The following ATP7A variants were observed in gnomAD, a reference collection of about 807,000 sequenced individuals.
ATP7A encodes ATPase copper transporting alpha.
A neutral mutation model predicts 83.5 loss-of-function variants in ATP7A; 7 were observed. The ratio of observed to expected loss-of-function variants is 0.08; its 90% CI spans 0.05 to 0.16. The LOEUF (loss-of-function observed/expected upper bound fraction) is 0.16, where lower values mean the gene tolerates loss of function less well. ATP7A is among the 10% of genes least tolerant of loss of function. The probability of loss-of-function intolerance (pLI) is 1.00; values close to 1 mark genes in which losing one functional copy is unlikely to be tolerated. For missense variants in ATP7A, 940 were observed against 1,120.8 expected, an observed-to-expected ratio of 0.84 and a Z score of 2.30; for synonymous variants, 354 against 395.2, an observed-to-expected ratio of 0.90 and a Z score of 1.24.
intron 1 of ATP7A, among the ~76,000 whole-genome samples, chrX:77,966,492 G>A (rs1350569869): frequency 8.9e-6 from 1 of 112,175 alleles, no homozygotes; most frequent in African/African-American, 3.2e-5. Flanking sequence ...ACACATCAAT[G>A]TACCTTGAAA....
intron 21 of ATP7A, among the ~76,000 whole-genome samples, chrX:78,043,972 T>C (rs1414380484): frequency 9.4e-6 from 1 of 106,816 alleles, no homozygotes; most frequent in Non-Finnish European, 1.9e-5. Context: ...ACTTTGTATT[T>C]TGAAAAATTT....
intron 1 of ATP7A, among the ~76,000 whole-genome samples, chrX:77,911,504 G>T (rs2077159629): frequency 9.1e-6 from 1 of 110,054 alleles, no homozygotes; most frequent in African/African-American, 3.3e-5. Flanking sequence ...CAATAGTATG[G>T]CTTTGTATTG....
chrX:78,020,181 A>G (rs2077895289), intron 12 of ATP7A, 63 bp from the exon 13 acceptor site: 2 of 1,113,938 alleles, frequency 1.8e-6, no homozygotes, highest in Non-Finnish European at 2.5e-6. Flanking sequence ...AGTAACAAAT[A>G]ATGATATGTT....
chrX:78,012,789 A>G (rs1469330218), intron 9 of ATP7A, 90 bp from the exon 10 acceptor site: 6 of 832,172 alleles, frequency 7.2e-6, no homozygotes, highest in Non-Finnish European at 1.1e-5. Context: ...AAAGCCAAAG[A>G]AAGTGACTAT....
chrX:77,962,620 C>G (rs1260107164), intron 1 of ATP7A: 3 of 370,129 alleles, frequency 8.1e-6, no homozygotes, highest in Non-Finnish European at 1.1e-5. Context: ...CCCTCATTTT[C>G]AGACCCTTCT....
At chrX:77,999,930 T>C (rs1557232974) in intron 5 of ATP7A, among the ~76,000 whole-genome samples, 1 of 106,115 alleles carries the variant, frequency 9.4e-6, no homozygotes, top group African/African-American at 3.5e-5. Context: ...AAAAAAGATA[T>C]GTGATGAGGT....
chrX:78,036,752 G>T (rs1358031207), intron 17 of ATP7A, among the ~76,000 whole-genome samples: 1 of 110,790 alleles, frequency 9.0e-6, no homozygotes, highest in Non-Finnish European at 1.9e-5. Flanking sequence ...GTGGTAGCAG[G>T]CACCTGTAAT....
intron 1 of ATP7A, among the ~76,000 whole-genome samples, chrX:77,949,319 G>A (rs2077400854): frequency 9.0e-6 from 1 of 111,325 alleles, no homozygotes; most frequent in African/African-American, 3.3e-5. Context: ...CTCCTAGTTT[G>A]GTTTTATTAA....
intron 1 of ATP7A, among the ~76,000 whole-genome samples, chrX:77,926,995 G>C (rs782429152): frequency 8.9e-6 from 1 of 111,852 alleles, no homozygotes; most frequent in African/African-American, 3.2e-5. Flanking sequence ...GAGCCACTGC[G>C]CCTGGCTCAC....
chrX:78,010,519 C>A (rs868923838), intron 7 of ATP7A, among the ~76,000 whole-genome samples: 1 of 102,880 alleles, frequency 9.7e-6, no homozygotes, highest in Non-Finnish European at 2.0e-5. Context: ...TAAAACAAGA[C>A]TAAATACTGC....
chrX:77,929,337 C>T (rs983407336), intron 1 of ATP7A, among the ~76,000 whole-genome samples: 1 of 111,607 alleles, frequency 9.0e-6, no homozygotes, highest in African/African-American at 3.3e-5. Context: ...TGAACCCATC[C>T]CCTTCATTAC....
chrX:78,030,266 A>G (rs1291649044), intron 15 of ATP7A, among the ~76,000 whole-genome samples: 1 of 111,426 alleles, frequency 9.0e-6, no homozygotes, highest in African/African-American at 3.3e-5. Flanking sequence ...TCTACTAAAA[A>G]TACAAAAATT....
intron 6 of ATP7A, among the ~76,000 whole-genome samples, chrX:78,006,291 A>G (rs905118540): frequency 8.9e-6 from 1 of 112,104 alleles, no homozygotes; most frequent in African/African-American, 3.2e-5. Context: ...TTGCATATGT[A>G]TGAAATGACA....
At chrX:78,003,721 T>A (rs1241993335) in intron 6 of ATP7A, among the ~76,000 whole-genome samples, 1 of 110,197 alleles carries the variant, frequency 9.1e-6, no homozygotes, top group Non-Finnish European at 1.9e-5. Flanking sequence ...GTGGGTGGAT[T>A]AGTTGAGGTC....
intron 6 of ATP7A, among the ~76,000 whole-genome samples, chrX:78,008,142 T>C (rs1219339492): frequency 8.9e-6 from 1 of 112,192 alleles, no homozygotes; most frequent in African/African-American, 3.2e-5. Context: ...TTTCTGCCAG[T>C]TTTCTCATTG....
At chrX:77,935,519 A>G (rs2077315862) in intron 1 of ATP7A, among the ~76,000 whole-genome samples, 3 of 112,303 alleles carry the variant, frequency 2.7e-5, no homozygotes, top group South Asian at 7.3e-4. Context: ...TTTATAAAAA[A>G]TAGCTGACTT....
chrX:77,932,079 C>T (rs1250248631), intron 1 of ATP7A, among the ~76,000 whole-genome samples: 16 of 111,083 alleles, frequency 1.4e-4, no homozygotes, highest in Admixed American at 3.7e-4. Flanking sequence ...GGGGTGGCTG[C>T]CGGGCGGAGA....
chrX:77,989,392 A>T lies in ATP7A; in HGVS notation c.770A>T (p.Asn257Ile). The T allele has an allele frequency of 8.3e-7, 1 of 1,211,665 alleles. No individual in the cohort carries two copies. Among genetic ancestry groups the T allele is most frequent in the Non-Finnish European group, 1.1e-6 (1 of 895,373 alleles). The change falls in exon 4 of 23, where the codon AAC (asparagine) becomes ATC (isoleucine). Residue 257 changes from asparagine to isoleucine, a missense_variant. Asn to Ile is a moderately radical substitution (Grantham distance 149). This residue lies in a region of ATP7A where 350 missense variants were observed against 432.8 expected (regional missense o/e 0.81). Coordinates refer to ENST00000341514, the MANE Select transcript of ATP7A (RefSeq NM_000052.7). ...LGAIDVERLK[N>I]TPVKSSEGSQ... is the part of the protein sequence containing the mutation. ...GCTATTGATGTAGAACGTCTAAAGA[A>T]CACACCAGTTAAATCCTCAGAAGGG... is the stretch of plus-strand genomic sequence containing the variant.
intron 1 of ATP7A, among the ~76,000 whole-genome samples, chrX:77,956,785 TTC>T (rs1491067410): frequency 1.6e-4 from 13 of 80,745 alleles, no homozygotes; most frequent in Admixed American, 4.2e-4. Context: ...CTTTCTTTCT[TTC>T]TCTTTCTTTC....
Sources: gnomAD v4.1 joint callset for allele counts (sites outside exome capture counted in the v4.1 genomes callset) on GRCh38, gnomAD v4.1.1 for gene constraint, gnomAD v4.1.1 regional missense constraint, MANE v1.5 for transcripts, NCBI Gene and HGNC (gene_info 2026-07-23, HGNC 2026-07-21) for gene names.